The following EPHA6 variants were observed in gnomAD, a reference collection of about 807,000 sequenced individuals.
EPHA6 encodes the protein EPH receptor A6.
EPHA6 carries 50 observed loss-of-function variants against 112.0 expected under a neutral mutation model. The observed-to-expected ratio is 0.45, with a 90% CI of 0.36 to 0.56. The LOEUF is 0.56. Among genes scored for constraint, EPHA6 ranks in the 20% least tolerant of loss-of-function variants. The pLI, the probability that EPHA6 is intolerant of heterozygous loss-of-function variation, is 0.00. For synonymous variants in EPHA6, 529 were observed against 490.7 expected (o/e 1.08, Z -1.03); for missense variants, 1,280 against 1,417.4 (o/e 0.90, Z 1.56).
chr3:97,701,769 T>C (rs915215609), intron 14 of EPHA6, among the ~76,000 whole-genome samples: 3 of 152,124 alleles, frequency 2.0e-5, no homozygotes, highest in Non-Finnish European at 4.4e-5. Flanking sequence ...TTGTTTCACA[T>C]TCAGATTTAT....
chr3:97,629,401 G>T (rs1313112323), intron 13 of EPHA6, among the ~76,000 whole-genome samples: 1 of 151,964 alleles, frequency 6.6e-6, no homozygotes, highest in East Asian at 1.9e-4. Context: ...ATATATGAGA[G>T]CATGGTGTGC....
intron 3 of EPHA6, among the ~76,000 whole-genome samples, chr3:97,155,370 A>G (rs1478018050): frequency 2.0e-5 from 3 of 152,186 alleles, no homozygotes; most frequent in Non-Finnish European, 4.4e-5. Context: ...ATTGAAAAAG[A>G]GTACAGTTAT....
chr3:96,864,834 T>C (rs983432181), intron 1 of EPHA6, among the ~76,000 whole-genome samples: 1 of 152,114 alleles, frequency 6.6e-6, no homozygotes, highest in Non-Finnish European at 1.5e-5. Context: ...TAAAGAATAT[T>C]GAACACTGTC....
chr3:97,288,056 C>T (rs1360502065), intron 5 of EPHA6, among the ~76,000 whole-genome samples: 3 of 139,102 alleles, frequency 2.2e-5, no homozygotes, highest in African/African-American at 5.8e-5. Context: ...TGTTAGGAGA[C>T]GTAAAAAAAA....
Position 97,028,236 on chromosome 3 carries a change from A to G in EPHA6, c.1114+40243A>G, listed in dbSNP as rs1057175094. Reference sequence around the variant, plus strand: ...GAGGGCAGAACTAAATTACTGCTTTAATTTCCCTGGTGAATTTGTAGAATT... The same window carrying G: ...GAGGGCAGAACTAAATTACTGCTTTGATTTCCCTGGTGAATTTGTAGAATT... On this transcript the variant is annotated intron_variant, in intron 3 of 17. Transcript: ENST00000389672. Among the ~76,000 whole-genome samples, 3 of 151,952 alleles carry G rather than the reference A, an allele frequency of 2.0e-5. No homozygotes were observed. In the South Asian group the frequency reaches 6.2e-4, roughly 31 times the overall value.
Position 97,691,862 on chromosome 3 carries a change from T to A in EPHA6, c.2785-28399T>A, listed in dbSNP as rs1258463770. Among the ~76,000 whole-genome samples the A allele has an allele frequency of 5.9e-5, 9 of 152,328 alleles. No homozygotes were observed. The East Asian group carries it at 1.7e-3, about 29-fold the overall frequency. ...ATTCTCTTTCGGCCCCTTCCAGTAT[T>A]CTTGCCTTGAACTTTTAAATACAAA... On this transcript the variant is annotated intron_variant, in intron 14 of 17. Transcript: ENST00000389672.
rs1413072670 is a variant in EPHA6 at position 97,646,128 on chromosome 3, A to C, written c.2784+8046A>C. 8 of 1,526,068 alleles carry C rather than the reference A, an allele frequency of 5.2e-6. No individual in the cohort carries two copies. The East Asian group carries it at 2.0e-4, about 37-fold the overall frequency. The allele number at this position is 1,526,068 out of a possible 1,614,324, so 94.5% of individuals were successfully genotyped here. On this transcript the variant is annotated intron_variant, in intron 14 of 17. Coordinates refer to ENST00000389672, the MANE Select transcript of EPHA6 (RefSeq NM_001080448.3). Reference sequence around the variant, plus strand: ...GACTTTGCCAATTCAGAGACCCACAAATCACAACAAAGAGCAATCAGAACT... The same window carrying C: ...GACTTTGCCAATTCAGAGACCCACACATCACAACAAAGAGCAATCAGAACT...
chr3:97,090,096 G>C (rs1417896616), intron 3 of EPHA6, among the ~76,000 whole-genome samples: 1 of 151,748 alleles, frequency 6.6e-6, no homozygotes, highest in East Asian at 1.9e-4. Flanking sequence ...ATATCATATC[G>C]AGGGCCTTTT....
intron 6 of EPHA6, among the ~76,000 whole-genome samples, chr3:97,437,810 T>C (rs1488906886): frequency 6.6e-6 from 1 of 152,070 alleles, no homozygotes; most frequent in Non-Finnish European, 1.5e-5. Flanking sequence ...CCTCAAATTT[T>C]CTTATAATAA....
chr3:97,000,955 A>T (rs1176306603), intron 3 of EPHA6, among the ~76,000 whole-genome samples: 1 of 142,468 alleles, frequency 7.0e-6, no homozygotes, highest in African/African-American at 2.8e-5. Flanking sequence ...TTGATCTGAA[A>T]GATTAAAGCC....
intron 3 of EPHA6, among the ~76,000 whole-genome samples, chr3:97,073,065 G>A (rs534021373): frequency 1.2e-4 from 18 of 152,206 alleles, no homozygotes; most frequent in African/African-American, 3.4e-4. Context: ...TCTAGTTACC[G>A]TTTCTTCTGT....
intron 14 of EPHA6, among the ~76,000 whole-genome samples, chr3:97,641,435 G>T (rs1461807815): frequency 6.6e-6 from 1 of 152,184 alleles, no homozygotes; most frequent in Non-Finnish European, 1.5e-5. Flanking sequence ...GGTGGGGGAG[G>T]AGCCAAGATG....
At chr3:97,647,502 C>G (rs1441309891) in intron 14 of EPHA6, among the ~76,000 whole-genome samples, 1 of 152,032 alleles carries the variant, frequency 6.6e-6, no homozygotes, top group Non-Finnish European at 1.5e-5. Flanking sequence ...GAAATAAATG[C>G]ACAAAAATAG....
At chr3:97,229,979 A>G (rs528211382) in intron 4 of EPHA6, among the ~76,000 whole-genome samples, 3 of 152,212 alleles carry the variant, frequency 2.0e-5, no homozygotes, top group South Asian at 4.1e-4. Context: ...TAGCAGACAA[A>G]TCTTCCTATT....
rs67227502 is a variant in EPHA6, at chr3:96,829,949, G to GCACACACACACACA, written c.385+14968_385+14981dup. On this transcript the variant is annotated intron_variant, in intron 1 of 17. Transcript: ENST00000389672. Reference sequence around the variant, plus strand: ...CATGCACGTGCATGTGCGCGCGCGCGCACACACACACACACACACACACAC... The same window carrying GCACACACACACACA: ...CATGCACGTGCATGTGCGCGCGCGCGCACACACACACACACACACACACACACACACACACACAC... 2.9e-4 allele frequency among the ~76,000 whole-genome samples: 40 copies of GCACACACACACACA among 136,072 alleles called. 1 individual carries two copies. The highest frequency in any genetic ancestry group is 7.0e-4 in the South Asian group (3 of 4,290). The allele number at this position is 136,072 out of a possible 152,430, so 89.3% of individuals were successfully genotyped here. A position where few individuals can be genotyped will look rare whatever the true frequency, so the allele number is the denominator to read the frequency against.
intron 2 of EPHA6, among the ~76,000 whole-genome samples, chr3:96,911,905 CTTT>C (rs919782159): frequency 3.3e-5 from 5 of 151,522 alleles, no homozygotes; most frequent in Non-Finnish European, 5.9e-5. Context: ...AAATTGTTTG[CTTT>C]TTTTTACCTT....
chr3:97,384,637 A>C (rs1240986062), intron 5 of EPHA6, among the ~76,000 whole-genome samples: 1 of 152,236 alleles, frequency 6.6e-6, no homozygotes, highest in Non-Finnish European at 1.5e-5. Flanking sequence ...TAAACTTTTG[A>C]AAGGTTAATC....
At chr3:97,226,908 A>T (rs989280861) in intron 4 of EPHA6, among the ~76,000 whole-genome samples, 1 of 152,172 alleles carries the variant, frequency 6.6e-6, no homozygotes, top group African/African-American at 2.4e-5. Context: ...AAAGGCAGGT[A>T]TTTTTGAGTT....
intron 3 of EPHA6, among the ~76,000 whole-genome samples, chr3:97,124,469 AAAAGAAAG>A (rs35225817): frequency 0.027 from 3,978 of 149,846 alleles, 166 homozygotes; most frequent in African/African-American, 0.088. Context: ...TCTGTTTAAA[AAAAGAAAG>A]AAAGAAAGAA....
Sources: allele counts gnomAD v4.1 joint callset (sites outside exome capture counted in the v4.1 genomes callset), GRCh38; gene constraint gnomAD v4.1.1; transcripts MANE v1.5; gene names NCBI Gene and HGNC (gene_info 2026-07-23, HGNC 2026-07-21).